Variants in KDM5A observed in about 807,000 individuals in gnomAD.
KDM5A encodes lysine demethylase 5A, also known as lysine-specific demethylase 5A.
KDM5A carries 42 observed loss-of-function variants against 193.5 expected under a neutral mutation model. The observed-to-expected ratio is 0.22, with a 90% confidence interval of 0.17 to 0.28. The LOEUF (loss-of-function observed/expected upper bound fraction) is 0.28, where lower values mean the gene tolerates loss of function less well. Ranked by LOEUF, KDM5A falls within the 10% of genes least tolerant of loss-of-function variation. KDM5A has a pLI of 1.00. For synonymous variants in KDM5A, 796 were observed against 718.1 expected (o/e 1.11, Z -1.73); for missense variants, 1,692 against 2,055.1 (o/e 0.82, Z 3.42).
At chr12:330,361 AC>A (rs1264839073) in intron 13 of KDM5A, among the ~76,000 whole-genome samples, 1 of 151,948 alleles carries the variant, frequency 6.6e-6, no homozygotes, top group African/African-American at 2.4e-5. Context: ...TTTATATCAC[AC>A]CCTTCTTCTA....
At chr12:354,577 C>G (rs1270892187) in intron 7 of KDM5A, among the ~76,000 whole-genome samples, 2 of 152,104 alleles carry the variant, frequency 1.3e-5, no homozygotes, top group Non-Finnish European at 2.9e-5. Context: ...ACCATCCTGG[C>G]TAACACAGTG....
At chr12:359,501 C>G (rs528794345) in intron 5 of KDM5A, among the ~76,000 whole-genome samples, 1 of 152,056 alleles carries the variant, frequency 6.6e-6, no homozygotes, top group Non-Finnish European at 1.5e-5. Context: ...CCTGTAATCG[C>G]AGCACTTTGG....
chr12:367,283 G>A (rs1273114719), intron 3 of KDM5A, among the ~76,000 whole-genome samples: 1 of 152,140 alleles, frequency 6.6e-6, no homozygotes, highest in African/African-American at 2.4e-5. Context: ...AGGCATAGTG[G>A]CTCACATCTG....
At chr12:304,682 T>A (rs780374813) in intron 24 of KDM5A, among the ~76,000 whole-genome samples, 1 of 152,128 alleles carries the variant, frequency 6.6e-6, no homozygotes, top group Non-Finnish European at 1.5e-5. Context: ...AAGATTCTCA[T>A]ATAAATTCCT....
chr12:377,660 A>G (rs1307759335), intron 3 of KDM5A, among the ~76,000 whole-genome samples: 1 of 152,218 alleles, frequency 6.6e-6, no homozygotes, highest in Non-Finnish European at 1.5e-5. Flanking sequence ...ACACAAGCAA[A>G]AGGTCCTAAA....
chr12:322,761 T>C (rs971279053), intron 16 of KDM5A, among the ~76,000 whole-genome samples, 194 bp from the exon 17 acceptor site: 1 of 152,198 alleles, frequency 6.6e-6, no homozygotes, highest in African/African-American at 2.4e-5. Flanking sequence ...ATAATCCCTA[T>C]AGACAGTTTC....
At chr12:378,575 T>A (rs1944537242) in intron 3 of KDM5A, among the ~76,000 whole-genome samples, 1 of 152,206 alleles carries the variant, frequency 6.6e-6, no homozygotes, top group African/African-American at 2.4e-5. Flanking sequence ...CAAAGCCTTG[T>A]GTTTTAAAAG....
chr12:311,055 T>G lies in KDM5A; in HGVS notation c.3046A>C (p.Asn1016His). The change falls in exon 21 of 28, where the codon AAT (asparagine) becomes CAT (histidine). Residue 1016 changes from asparagine to histidine, a missense_variant. Transcript: ENST00000399788. ...TCAAGCTGCTCCAAATAAGCGTAAT[T>G]GCTGCCACTCTGAAAAACCAAAGTA... ...AKVEAIQSGS[N>H]YAYLEQLESL... 6.2e-7 allele frequency: 1 copy of G among 1,614,156 alleles called. No homozygotes were observed. Among genetic ancestry groups the G allele is most frequent in the South Asian group, 1.1e-5 (1 of 91,082 alleles).
intron 3 of KDM5A, among the ~76,000 whole-genome samples, chr12:382,795 G>T (rs962230550): frequency 6.6e-6 from 1 of 152,032 alleles, no homozygotes; most frequent in African/African-American, 2.4e-5. Context: ...AGCCTGGTGT[G>T]TTGGCACATG....
Position 354,216 on chromosome 12 carries a change from TACAA to T in KDM5A, c.885_888del (p.Met297PhefsTer26), listed in dbSNP as rs1944200713. 6.2e-7 allele frequency: 1 copy of T among 1,608,422 alleles called. No homozygotes were observed. ...TCATTGTTTCCCCGACCACAAAACA[TACAA>T]ACATAGAGATCAACCTGTTAAAAAA... On this transcript the variant is annotated frameshift_variant, in exon 8 of 28. Coordinates refer to ENST00000399788, the MANE Select transcript of KDM5A (RefSeq NM_001042603.3). LOFTEE classifies it high-confidence loss of function.
chr12:286,279 T>A (rs1020240377), intron 27 of KDM5A: 1 of 450,258 alleles, frequency 2.2e-6, no homozygotes, highest in South Asian at 1.7e-5. Flanking sequence ...AAGACACAGG[T>A]CAATAGATCA....
At chr12:361,233 C>T (rs138629176) in intron 5 of KDM5A, among the ~76,000 whole-genome samples, 18 of 151,968 alleles carry the variant, frequency 1.2e-4, no homozygotes, top group African/African-American at 3.9e-4. Context: ...CTTGCTCTGT[C>T]GCCCAGACTG....
intron 10 of KDM5A, among the ~76,000 whole-genome samples, chr12:340,037 A>G (rs1031971806): frequency 1.8e-4 from 27 of 151,992 alleles, no homozygotes; most frequent in Admixed American, 1.1e-3. Flanking sequence ...CACCACACCC[A>G]GCTAATTTTT....
chr12:334,556 C>T (rs1342651828), intron 10 of KDM5A, 134 bp from the exon 11 acceptor site: 8 of 679,164 alleles, frequency 1.2e-5, no homozygotes, highest in Non-Finnish European at 1.3e-5. Context: ...GTGCTCTTTG[C>T]TATCCACTAC....
At chr12:385,315 C>G (rs935399069) in intron 2 of KDM5A, among the ~76,000 whole-genome samples, 5 of 151,690 alleles carry the variant, frequency 3.3e-5, no homozygotes, top group Admixed American at 3.3e-4. Context: ...GTTTTCATAT[C>G]ACAATGAAGA....
Position 363,000 on chromosome 12 carries a change from T to G in KDM5A, c.635A>C (p.Asn212Thr), listed in dbSNP as rs1426411235. 1 of 1,614,048 alleles carries G rather than the reference T, an allele frequency of 6.2e-7. No individual in the cohort carries two copies. Among genetic ancestry groups the G allele is most frequent in the Non-Finnish European group, 8.5e-7 (1 of 1,180,014 alleles). Residue 212 changes from asparagine to threonine, a missense_variant, in exon 5 of 28, where the codon AAC (asparagine) becomes ACC (threonine). By Grantham distance (65) the Asn-to-Thr change is moderately conservative (BLOSUM62 0). This residue lies in a region of KDM5A where 134 missense variants were observed against 124.2 expected (regional missense o/e 1.08). Transcript: ENST00000399788. Reference sequence around the variant, plus strand: ...ACGTCTTGTTCTCTTCGGCAGAATGTTCATCCTTGTGCCTGGCTCTGGGGA... The same window carrying G: ...ACGTCTTGTTCTCTTCGGCAGAATGGTCATCCTTGTGCCTGGCTCTGGGGA... ...QTSPEPGTRM[N>T]ILPKRTRRVK...
At chr12:358,159 G>A (rs1944249542) in intron 5 of KDM5A, among the ~76,000 whole-genome samples, 1 of 152,056 alleles carries the variant, frequency 6.6e-6, no homozygotes, top group South Asian at 2.1e-4. Context: ...ACAGATTCTG[G>A]TATTCAATCT....
intron 10 of KDM5A, among the ~76,000 whole-genome samples, chr12:349,086 T>C (rs1040340741): frequency 2.7e-5 from 4 of 150,376 alleles, no homozygotes; most frequent in African/African-American, 7.3e-5. Flanking sequence ...AATGGCGCAA[T>C]CTCGGCTCAC....
chr12:358,441 A>G (rs896209208), intron 5 of KDM5A, among the ~76,000 whole-genome samples: 1 of 152,234 alleles, frequency 6.6e-6, no homozygotes, highest in African/African-American at 2.4e-5. Flanking sequence ...AACAATAAAT[A>G]TAACACTACA....
Sources: allele counts gnomAD v4.1 joint callset (sites outside exome capture counted in the v4.1 genomes callset), GRCh38; gene constraint gnomAD v4.1.1; regional missense constraint gnomAD v4.1.1; transcripts MANE v1.5; gene names NCBI Gene and HGNC (gene_info 2026-07-23, HGNC 2026-07-21).